AKR1B15: variants seen among roughly 807,000 people sequenced by gnomAD.
AKR1B15 encodes aldo-keto reductase family 1 member B15, also known as estradiol 17-beta-dehydrogenase AKR1B15.
A neutral mutation model predicts 38.5 loss-of-function variants in AKR1B15; 49 were observed. The ratio of observed to expected loss-of-function variants is 1.27; its 90% CI spans 1.01 to 1.62. AKR1B15 has a LOEUF of 1.62. Ranked by LOEUF, AKR1B15 falls within the 40% of genes most tolerant of loss-of-function variation. AKR1B15 has a pLI of 0.00. For synonymous variants in AKR1B15, 137 were observed against 135.5 expected, an observed-to-expected ratio of 1.01 and a Z score of -0.08; for missense variants, 411 against 381.6, an observed-to-expected ratio of 1.08 and a Z score of -0.64.
chr7:134,566,675 C>T (rs2117650890), intron 3 of AKR1B15, among the ~76,000 whole-genome samples: 1 of 152,242 alleles, frequency 6.6e-6, no homozygotes, highest in East Asian at 1.9e-4. Context: ...GCTAATTTCC[C>T]TGCTCAGACT....
At chr7:134,567,301 AT>A (rs1794560343) in intron 3 of AKR1B15, among the ~76,000 whole-genome samples, 1 of 151,998 alleles carries the variant, frequency 6.6e-6, no homozygotes, top group African/African-American at 2.4e-5. Context: ...TGATAATTGT[AT>A]TTCCTTTTTT....
intron 3 of AKR1B15, among the ~76,000 whole-genome samples, chr7:134,566,374 T>A (rs1041925520): frequency 2.0e-5 from 3 of 152,178 alleles, no homozygotes; most frequent in Non-Finnish European, 2.9e-5. Flanking sequence ...CTTTAACAAG[T>A]TCCCTAGGTG....
intron 10 of AKR1B15, 102 bp downstream of exon 10, chr7:134,577,148 C>A (rs538133070): frequency 3.2e-4 from 385 of 1,194,504 alleles, no homozygotes; most frequent in Non-Finnish European, 4.3e-4. Flanking sequence ...GTCTTTGGCC[C>A]CCTCCTTCCC....
At chr7:134,568,065 C>T (rs189549976) in intron 3 of AKR1B15, 93 bp from the exon 4 acceptor site, 2 of 1,484,002 alleles carry the variant, frequency 1.3e-6, no homozygotes. Flanking sequence ...ATTGTTTGAA[C>T]CTGGGAGTGT....
chr7:134,566,024 T>TACA (rs1392580967), intron 3 of AKR1B15, among the ~76,000 whole-genome samples: 74 of 152,180 alleles, frequency 4.9e-4, no homozygotes, highest in African/African-American at 1.6e-3. Flanking sequence ...CTGGGTGTGG[T>TACA]GGCTCATGCC....
chr7:134,562,839 T>TTTCG (rs1794439384), intron 2 of AKR1B15, among the ~76,000 whole-genome samples: 1 of 47,712 alleles, frequency 2.1e-5, no homozygotes, highest in East Asian at 3.0e-4. Context: ...TTTCTCTTTC[T>TTTCG]TTCTTTCTTT....
At chr7:134,565,403 C>T in intron 3 of AKR1B15, 1 of 1,607,816 alleles carries the variant, frequency 6.2e-7, no homozygotes, top group South Asian at 1.1e-5. Flanking sequence ...ACCACGAACC[C>T]TCTGGAAGGA....
At chr7:134,561,501 C>T (rs1415115799) in intron 2 of AKR1B15, among the ~76,000 whole-genome samples, 1 of 152,166 alleles carries the variant, frequency 6.6e-6, no homozygotes, top group Admixed American at 6.5e-5. Context: ...GACACCATGC[C>T]CGGACCATGC....
At chr7:134,551,351 C>T (rs1277085990) in intron 1 of AKR1B15, among the ~76,000 whole-genome samples, 1 of 152,142 alleles carries the variant, frequency 6.6e-6, no homozygotes, top group Non-Finnish European at 1.5e-5. Context: ...CCCTTCTCTA[C>T]TTCTGACCTG....
chr7:134,564,872 G>A (rs1245051025), intron 3 of AKR1B15, 103 bp downstream of exon 3: 2 of 524,878 alleles, frequency 3.8e-6, no homozygotes, highest in South Asian at 6.1e-5. Flanking sequence ...CCTGGGTCAA[G>A]TGGGGACTTG....
At chr7:134,561,092 A>T (rs1450477961) in intron 2 of AKR1B15, among the ~76,000 whole-genome samples, 2 of 152,230 alleles carry the variant, frequency 1.3e-5, no homozygotes, top group Non-Finnish European at 1.5e-5. Flanking sequence ...TTATAGTCAC[A>T]AAGGATTTAC....
At chr7:134,551,117 C>A (rs1793956615) in intron 1 of AKR1B15, among the ~76,000 whole-genome samples, 1 of 152,204 alleles carries the variant, frequency 6.6e-6, no homozygotes, top group South Asian at 2.1e-4. Context: ...GTACTGCCTC[C>A]TTCTGAAGAA....
At chr7:134,571,814 A>C in intron 6 of AKR1B15, 133 bp downstream of exon 6, 1 of 739,390 alleles carries the variant, frequency 1.4e-6, no homozygotes, top group Non-Finnish European at 2.3e-6. Context: ...CTCTTCTAAT[A>C]TCCTCCTCAT....
rs1179161802 is a variant in AKR1B15, at chr7:134,577,796, A to G, written c.992+10A>G. The G allele has an allele frequency of 6.2e-7, 1 of 1,613,408 alleles. No homozygotes were observed. Among genetic ancestry groups the G allele is most frequent in the African/African-American group, 1.3e-5 (1 of 74,938 alleles). On this transcript the variant is annotated intron_variant, in intron 11 of 11. Transcript: ENST00000457545. ...CCTTTGACTTCAAGGAGTAAGTGGC[A>G]TGGAGTTAACTAGAAGAATTGCCAG...
At chr7:134,573,670 G>A in intron 6 of AKR1B15, 2 of 432,992 alleles carry the variant, frequency 4.6e-6, no homozygotes, top group Non-Finnish European at 6.2e-6. Flanking sequence ...GACCTATGAT[G>A]CACAAAAGCT....
Position 134,568,158 on chromosome 7 carries a change from T to C in AKR1B15, c.151T>C (p.Ser51Pro), listed in dbSNP as rs1047738588. The C allele has an allele frequency of 1.9e-6, 3 of 1,613,820 alleles. No individual in the cohort carries two copies. In the African/African-American group the frequency reaches 4.0e-5, roughly 22 times the overall value. The change falls in exon 4 of 12, where the codon TCT becomes CCT. Residue 51 changes from serine to proline, a missense_variant and splice_region_variant. By Grantham distance (74) the Ser-to-Pro change is moderately conservative. Transcript: ENST00000457545. ...AGPLLRPYPA[S>P]LLGKVKEAVK... Reference sequence around the variant, plus strand: ...GATGGGCTTTTCTTTTGCTTTTCAGTCTCTTCTCGGCAAAGTGAAAGAAGC... The same window carrying C: ...GATGGGCTTTTCTTTTGCTTTTCAGCCTCTTCTCGGCAAAGTGAAAGAAGC...
At chr7:134,567,364 C>T (rs1210030447) in intron 3 of AKR1B15, among the ~76,000 whole-genome samples, 9 of 152,024 alleles carry the variant, frequency 5.9e-5, no homozygotes, top group East Asian at 1.9e-4. Flanking sequence ...CTCCCTACCT[C>T]GCTCTTTCTT....
intron 3 of AKR1B15, among the ~76,000 whole-genome samples, chr7:134,567,721 C>A (rs1369804294): frequency 6.6e-6 from 1 of 152,130 alleles, no homozygotes; most frequent in African/African-American, 2.4e-5. Context: ...TAGAGTCAAG[C>A]TTTCATCTGG....
At chr7:134,578,992 G>A (rs1384292918) in intron 11 of AKR1B15, among the ~76,000 whole-genome samples, 1 of 152,210 alleles carries the variant, frequency 6.6e-6, no homozygotes, top group African/African-American at 2.4e-5. Context: ...TCTAACACTG[G>A]TTTCTTCGCT....
Sources: allele counts gnomAD v4.1 joint callset (sites outside exome capture counted in the v4.1 genomes callset), GRCh38; gene constraint gnomAD v4.1.1; transcripts MANE v1.5; gene names NCBI Gene and HGNC (gene_info 2026-07-23, HGNC 2026-07-21).